PPARGC1A: variants seen among roughly 807,000 people sequenced by gnomAD.
PPARGC1A encodes PPARG coactivator 1 alpha, also known as peroxisome proliferator-activated receptor gamma coactivator 1-alpha.
PPARGC1A carries 25 observed loss-of-function variants against 88.7 expected under a neutral mutation model. That is an observed-to-expected ratio of 0.28 (90% CI 0.21 to 0.39). The LOEUF is 0.39. Ranked by LOEUF, PPARGC1A falls within the 10% of genes least tolerant of loss-of-function variation. The probability of loss-of-function intolerance (pLI) is 1.00; values close to 1 mark genes in which losing one functional copy is unlikely to be tolerated. For synonymous variants in PPARGC1A, 363 were observed against 355.6 expected, an observed-to-expected ratio of 1.02 and a Z score of -0.24; for missense variants, 880 against 968.7, an observed-to-expected ratio of 0.91 and a Z score of 1.22.
intron 1 of PPARGC1A, among the ~76,000 whole-genome samples, chr4:23,889,611 C>T (rs1457796391): frequency 6.6e-6 from 1 of 152,158 alleles, no homozygotes; most frequent in Admixed American, 6.5e-5. Context: ...TATCTTAGAG[C>T]ATAAATATTG....
chr4:24,053,158 A>G, the PPARGC1A span, among the ~76,000 whole-genome samples: 1 of 151,690 alleles, frequency 6.6e-6, no homozygotes, highest in Non-Finnish European at 1.5e-5. Flanking sequence ...GGCGTGAGCC[A>G]CTGCGCCTGG....
the PPARGC1A span, among the ~76,000 whole-genome samples, chr4:23,994,062 T>A: frequency 6.6e-6 from 1 of 152,168 alleles, no homozygotes; most frequent in East Asian, 1.9e-4. Context: ...AAATAAAATG[T>A]CCCAGCCTGC....
At chr4:24,459,651 A>T in the PPARGC1A span, among the ~76,000 whole-genome samples, 1 of 152,142 alleles carries the variant, frequency 6.6e-6, no homozygotes, top group Admixed American at 6.5e-5. Flanking sequence ...TTAGCCAGGC[A>T]TGGTGTTGCA....
At chr4:24,348,416 T>C in the PPARGC1A span, among the ~76,000 whole-genome samples, 1 of 152,234 alleles carries the variant, frequency 6.6e-6, no homozygotes, top group African/African-American at 2.4e-5. Context: ...GCTTTTAGAA[T>C]TCTCTTCTTC....
chr4:23,899,087 C>T (rs1195016229), intron 1 of PPARGC1A, among the ~76,000 whole-genome samples: 1 of 10,068 alleles, frequency 9.9e-5, no homozygotes. Context: ...TGATCCACCC[C>T]CCCCCGGCCT....
chr4:23,855,801 C>A (rs962617738), intron 2 of PPARGC1A, among the ~76,000 whole-genome samples: 3 of 152,016 alleles, frequency 2.0e-5, no homozygotes, highest in African/African-American at 7.3e-5. Context: ...GGTAGGGTGC[C>A]AGGTGTTGGT....
the PPARGC1A span, among the ~76,000 whole-genome samples, chr4:24,347,703 C>T: frequency 4.6e-5 from 7 of 152,090 alleles, no homozygotes; most frequent in African/African-American, 1.7e-4. Flanking sequence ...TGAGTTCTTA[C>T]CCATCCTGCA....
chr4:24,088,402 G>T, the PPARGC1A span, among the ~76,000 whole-genome samples: 1 of 151,408 alleles, frequency 6.6e-6, no homozygotes, highest in African/African-American at 2.4e-5. Context: ...AAAGAAGAAG[G>T]AAAAAAGGAA....
the PPARGC1A span, among the ~76,000 whole-genome samples, chr4:23,917,971 T>G: frequency 6.6e-6 from 1 of 152,184 alleles, no homozygotes; most frequent in East Asian, 1.9e-4. Context: ...CTGATACCAA[T>G]TTTACAGAAG....
chr4:24,243,174 T>C, the PPARGC1A span, among the ~76,000 whole-genome samples: 1 of 152,178 alleles, frequency 6.6e-6, no homozygotes, highest in African/African-American at 2.4e-5. Flanking sequence ...AAATGAATAA[T>C]TTACATCCAC....
At chr4:23,868,727 G>C (rs761365799) in intron 2 of PPARGC1A, among the ~76,000 whole-genome samples, 6 of 152,216 alleles carry the variant, frequency 3.9e-5, no homozygotes, top group East Asian at 1.9e-4. Flanking sequence ...CCTAAATTTC[G>C]GGACTTAATA....
the PPARGC1A span, among the ~76,000 whole-genome samples, chr4:24,437,604 TTG>T: frequency 9.0e-6 from 1 of 111,368 alleles, no homozygotes; most frequent in South Asian, 2.5e-4. Context: ...TTTGTTGTTG[TTG>T]TTGTTGTTGT....
chr4:23,995,193 T>C, the PPARGC1A span, among the ~76,000 whole-genome samples: 3 of 152,120 alleles, frequency 2.0e-5, no homozygotes, highest in African/African-American at 7.2e-5. Flanking sequence ...GTGGGTCCTG[T>C]TAATATCTTG....
chr4:24,357,898 T>A, the PPARGC1A span, among the ~76,000 whole-genome samples: 2 of 152,214 alleles, frequency 1.3e-5, no homozygotes, highest in Non-Finnish European at 2.9e-5. Context: ...TCATTAAACC[T>A]CTTTTTCTTT....
At chr4:24,162,797 T>G in the PPARGC1A span, among the ~76,000 whole-genome samples, 1 of 151,968 alleles carries the variant, frequency 6.6e-6, no homozygotes, top group African/African-American at 2.4e-5. Flanking sequence ...TTTCACCATG[T>G]TGGCCAGTCT....
At chr4:24,046,262 C>T in the PPARGC1A span, among the ~76,000 whole-genome samples, 102 of 152,318 alleles carry the variant, frequency 6.7e-4, no homozygotes, top group East Asian at 0.018. Flanking sequence ...TTATTTCCCC[C>T]TCACAAGTTT....
chr4:23,846,115 G>A (rs1310087493), intron 2 of PPARGC1A, among the ~76,000 whole-genome samples: 5 of 152,182 alleles, frequency 3.3e-5, no homozygotes, highest in Admixed American at 2.0e-4. Context: ...CATGGAAAAT[G>A]ACAAGACAGG....
At chr4:23,912,677 C>T in the PPARGC1A span, among the ~76,000 whole-genome samples, 3 of 152,158 alleles carry the variant, frequency 2.0e-5, no homozygotes, top group African/African-American at 4.8e-5. Flanking sequence ...TCCCTGTTTG[C>T]TGGCCCACAC....
At chr4:24,027,215 GTGTC>G in the PPARGC1A span, among the ~76,000 whole-genome samples, 53 of 149,534 alleles carry the variant, frequency 3.5e-4, no homozygotes, top group African/African-American at 5.0e-4. Flanking sequence ...GTGTGTGTGT[GTGTC>G]TGTGTGTCTG....
Sources: gnomAD v4.1 joint callset for allele counts (sites outside exome capture counted in the v4.1 genomes callset) on GRCh38, gnomAD v4.1.1 for gene constraint, MANE v1.5 for transcripts, NCBI Gene and HGNC (gene_info 2026-07-23, HGNC 2026-07-21) for gene names.